PDE4B: variants seen among roughly 807,000 people sequenced by gnomAD.
The protein encoded by PDE4B is 3',5'-cyclic-AMP phosphodiesterase 4B.
PDE4B carries 20 observed loss-of-function variants against 82.2 expected under a neutral mutation model. That is an observed-to-expected ratio of 0.24 (90% confidence interval 0.17 to 0.35). PDE4B has a LOEUF of 0.35. Among genes scored for constraint, PDE4B ranks in the 10% least tolerant of loss-of-function variants. The pLI is 1.00. For missense variants in PDE4B, 655 were observed against 907.2 expected (o/e 0.72, Z 3.57); for synonymous variants, 320 against 318.9 (o/e 1.00, Z -0.04).
At chr1:66,309,587 G>C (rs1658527459) in intron 7 of PDE4B, among the ~76,000 whole-genome samples, 1 of 152,216 alleles carries the variant, frequency 6.6e-6, no homozygotes, top group African/African-American at 2.4e-5. Flanking sequence ...TTGCAGCAAA[G>C]TTTAGCCAGG....
chr1:66,147,731 G>A (rs1646304717), intron 3 of PDE4B, among the ~76,000 whole-genome samples: 1 of 152,124 alleles, frequency 6.6e-6, no homozygotes, highest in Admixed American at 6.5e-5. Flanking sequence ...TCTGCTTCTT[G>A]GAGCTCCACT....
At chr1:66,033,885 G>A (rs1430290082) in intron 3 of PDE4B, among the ~76,000 whole-genome samples, 1 of 151,720 alleles carries the variant, frequency 6.6e-6, no homozygotes, top group Non-Finnish European at 1.5e-5. Flanking sequence ...GCATTTCAAA[G>A]AGATAGAGGC....
intron 7 of PDE4B, among the ~76,000 whole-genome samples, chr1:66,313,876 T>C (rs972358772): frequency 6.6e-6 from 1 of 152,178 alleles, no homozygotes; most frequent in Non-Finnish European, 1.5e-5. Context: ...CCTCCACTTG[T>C]TATGGATGCA....
At chr1:66,056,532 C>CA (rs1655310953) in intron 3 of PDE4B, among the ~76,000 whole-genome samples, 4 of 130,712 alleles carry the variant, frequency 3.1e-5, no homozygotes, top group African/African-American at 8.9e-5. Context: ...ATCTATCTAT[C>CA]ATCTATCTAT....
Position 66,145,869 on chromosome 1 carries a change from A to G in PDE4B, c.282-101591A>G, listed in dbSNP as rs1286374154. Among the ~76,000 whole-genome samples, 29 of 152,150 alleles carry G rather than the reference A, an allele frequency of 1.9e-4. 1 individual carries two copies. The highest frequency in any genetic ancestry group is 4.1e-4 in the Non-Finnish European group (28 of 68,028). On this transcript the variant is annotated intron_variant, in intron 3 of 16. Transcript: ENST00000341517. ...TGTTTTTCTCCTAATTATTTCCTCA[A>G]AGTGATAGTATCAGCCCTGATGTTG...
At position 66,363,415 on chromosome 1, in the gene PDE4B, C is replaced by G. The variant is rs1662970953; in HGVS notation, c.1128C>G (p.Asp376Glu). 1 of 1,611,280 alleles carries G rather than the reference C, an allele frequency of 6.2e-7. No individual in the cohort carries two copies. Among genetic ancestry groups the G allele is most frequent in the Admixed American group, 1.7e-5 (1 of 59,772 alleles). The change falls in exon 12 of 17, where the codon GAC becomes GAG. Residue 376 changes from aspartate (D) to glutamate (E), a missense_variant. Physicochemically the swap from Asp to Glu is conservative, Grantham distance 45 (BLOSUM62 2). This residue lies in a region of PDE4B where 283 missense variants were observed against 516.4 expected (regional missense o/e 0.55). Coordinates refer to ENST00000341517, the MANE Select transcript of PDE4B (RefSeq NM_002600.4). ...TCCATTTTACAACACAGGAAAGAGA[C>G]CTCCTAAAGACATTCAGAATCTCAT... ...CIMYAIFQER[D>E]LLKTFRISSD...
chr1:66,145,018 T>G (rs1427688528), intron 3 of PDE4B, among the ~76,000 whole-genome samples: 2 of 152,208 alleles, frequency 1.3e-5, no homozygotes, highest in African/African-American at 4.8e-5. Context: ...TGAAATAGAA[T>G]CTCTTTATGC....
intron 3 of PDE4B, among the ~76,000 whole-genome samples, chr1:66,077,503 G>A (rs1015587771): frequency 1.3e-5 from 2 of 152,158 alleles, no homozygotes; most frequent in African/African-American, 4.8e-5. Context: ...CATGAACCAC[G>A]TTTTACTTAC....
At chr1:66,317,561 A>G (rs1659112492) in intron 7 of PDE4B, among the ~76,000 whole-genome samples, 1 of 152,160 alleles carries the variant, frequency 6.6e-6, no homozygotes, top group African/African-American at 2.4e-5. Flanking sequence ...TGCCTCAAAG[A>G]AAAACTGTTT....
In PDE4B at chr1:65,918,660, G is replaced by C. The variant is rs1647189554; in HGVS notation, c.106G>C (p.Gly36Arg). 1 of 1,613,688 alleles carries C rather than the reference G, an allele frequency of 6.2e-7. No individual in the cohort carries two copies. The highest frequency in any genetic ancestry group is 8.5e-7 in the Non-Finnish European group (1 of 1,179,674). ...CTACAGTTCTTCCAGTAACACACTT[G>C]GGATCGACCTCTGGAGAGGGAGAAG... ...KSYSSSSNTL[G>R]IDLWRGRRCC... is the part of the protein sequence containing the mutation. The change falls in exon 3 of 17, where the codon GGG (glycine) becomes CGG (arginine). Residue 36 changes from glycine (G) to arginine (R), a missense_variant. Gly to Arg is a moderately radical substitution (Grantham distance 125). Around this residue, in one of 3 missense-constraint regions of PDE4B, gnomAD observed 253 missense variants for 275.6 expected, o/e 0.92. Transcript: ENST00000341517.
At chr1:65,870,327 T>C (rs895284643) in intron 1 of PDE4B, among the ~76,000 whole-genome samples, 8 of 152,172 alleles carry the variant, frequency 5.3e-5, no homozygotes, top group South Asian at 2.1e-4. Flanking sequence ...AACAGCACTA[T>C]TGAGCATAAA....
chr1:65,832,855 T>A (rs893379619), intron 1 of PDE4B, among the ~76,000 whole-genome samples: 14 of 152,180 alleles, frequency 9.2e-5, no homozygotes, highest in Admixed American at 2.0e-4. Context: ...TTAAAGTTAT[T>A]AGGTGGGTAT....
At chr1:65,883,830 C>T (rs1466126382) in intron 1 of PDE4B, among the ~76,000 whole-genome samples, 4 of 152,118 alleles carry the variant, frequency 2.6e-5, no homozygotes, top group African/African-American at 9.7e-5. Flanking sequence ...AGATACGTCC[C>T]ATCAATACCT....
intron 3 of PDE4B, among the ~76,000 whole-genome samples, chr1:65,929,083 T>C (rs1557439011): frequency 6.6e-6 from 1 of 152,170 alleles, no homozygotes; most frequent in African/African-American, 2.4e-5. Context: ...GGTCACACTC[T>C]CAACCTTACT....
chr1:66,085,758 C>T (rs531867917), intron 3 of PDE4B, among the ~76,000 whole-genome samples: 8 of 152,010 alleles, frequency 5.3e-5, no homozygotes, highest in Admixed American at 2.0e-4. Context: ...TGCACCAGCA[C>T]GAAGATCCAG....
Position 65,985,061 on chromosome 1 carries a change from A to G in PDE4B, c.281+66226A>G, listed in dbSNP as rs538140693. Among the ~76,000 whole-genome samples, 129 of 152,288 alleles carry G rather than the reference A, an allele frequency of 8.5e-4. 3 individuals are homozygous for G. In the South Asian group the frequency reaches 0.026, roughly 30 times the overall value. ...AATTTTTAAAAATTCTAATATGAAC[A>G]GATTTAAAATAAACAGACTATGTAG... On this transcript the variant is annotated intron_variant, in intron 3 of 16. Transcript: ENST00000341517.
intron 4 of PDE4B, among the ~76,000 whole-genome samples, chr1:66,255,823 A>G (rs79654760): frequency 0.02 from 2,995 of 152,274 alleles, 60 homozygotes; most frequent in Admixed American, 0.072. Context: ...TTTGGAGTTC[A>G]TGGATATTTT....
At chr1:65,962,810 A>T (rs1260205967) in intron 3 of PDE4B, among the ~76,000 whole-genome samples, 1 of 152,140 alleles carries the variant, frequency 6.6e-6, no homozygotes, top group East Asian at 1.9e-4. Flanking sequence ...CTATCCCAAA[A>T]TTAGGGGGGC....
chr1:66,068,536 G>A lies in PDE4B; in HGVS notation c.281+149701G>A, dbSNP rs372477476. 6.1e-4 allele frequency among the ~76,000 whole-genome samples: 93 copies of A among 151,948 alleles called. 1 individual carries two copies. Among genetic ancestry groups the A allele is most frequent in the African/African-American group, 2.1e-3 (86 of 41,502 alleles). On this transcript the variant is annotated intron_variant, in intron 3 of 16. Coordinates refer to ENST00000341517, the MANE Select transcript of PDE4B (RefSeq NM_002600.4). ...TTAATGTCCTGTCTTCCCCCATCAA[G>A]TTGATTTTCTATCTTATAATCAAGT... is the stretch of plus-strand genomic sequence containing the variant.
Sources: gnomAD v4.1 joint callset for allele counts (sites outside exome capture counted in the v4.1 genomes callset) on GRCh38, gnomAD v4.1.1 for gene constraint, gnomAD v4.1.1 regional missense constraint, MANE v1.5 for transcripts, NCBI Gene and HGNC (gene_info 2026-07-23, HGNC 2026-07-21) for gene names.